Variants in CHRM3 observed in about 807,000 individuals in gnomAD.
The protein encoded by CHRM3 is muscarinic acetylcholine receptor M3.
In CHRM3, 11 loss-of-function variants were observed where a neutral mutation model predicts 41.8. The ratio of observed to expected loss-of-function variants is 0.26; its 90% CI spans 0.17 to 0.44. The LOEUF is 0.44. CHRM3 is among the 20% of genes least tolerant of loss of function. The pLI is 1.00. For synonymous variants in CHRM3, 297 were observed against 301.4 expected (o/e 0.99, Z 0.15); for missense variants, 571 against 745.4 (o/e 0.77, Z 2.72).
chr1:239,897,132 A>G (rs1679071518), intron 6 of CHRM3, among the ~76,000 whole-genome samples: 2 of 152,128 alleles, frequency 1.3e-5, no homozygotes, highest in Non-Finnish European at 2.9e-5. Context: ...CCTGCATGCT[A>G]TGGCAGGTTG....
intron 4 of CHRM3, among the ~76,000 whole-genome samples, chr1:239,674,540 T>A (rs1657776747): frequency 6.6e-6 from 1 of 151,600 alleles, no homozygotes; most frequent in Non-Finnish European, 1.5e-5. Context: ...AAACCCCATC[T>A]CTACTGAAAA....
intron 3 of CHRM3, among the ~76,000 whole-genome samples, chr1:239,614,347 A>G (rs958610560): frequency 6.6e-6 from 1 of 152,200 alleles, no homozygotes; most frequent in Non-Finnish European, 1.5e-5. Context: ...GTGACTTCTG[A>G]AAAATACAGA....
chr1:239,825,611 G>A (rs1672394755), intron 5 of CHRM3, among the ~76,000 whole-genome samples: 1 of 152,178 alleles, frequency 6.6e-6, no homozygotes. Flanking sequence ...ATACCCAAAA[G>A]ACGGAAGCAA....
intron 5 of CHRM3, among the ~76,000 whole-genome samples, chr1:239,724,197 A>G (rs926822557): frequency 1.3e-5 from 2 of 151,802 alleles, no homozygotes; most frequent in African/African-American, 4.8e-5. Context: ...CCTGGCCCTT[A>G]TAAACCTCCC....
At chr1:239,622,549 C>T (rs1006141050) in intron 3 of CHRM3, among the ~76,000 whole-genome samples, 3 of 151,872 alleles carry the variant, frequency 2.0e-5, no homozygotes, top group East Asian at 1.9e-4. Flanking sequence ...TTCAAGACTT[C>T]GATGAAGAAA....
intron 5 of CHRM3, among the ~76,000 whole-genome samples, chr1:239,685,606 T>G (rs1659056276): frequency 6.6e-6 from 1 of 152,132 alleles, no homozygotes; most frequent in East Asian, 1.9e-4. Flanking sequence ...GCAGATCACC[T>G]GAGGTCAGGA....
At chr1:239,457,916 T>C (rs138312783) in intron 1 of CHRM3, among the ~76,000 whole-genome samples, 3 of 152,338 alleles carry the variant, frequency 2.0e-5, no homozygotes, top group Admixed American at 6.5e-5. Flanking sequence ...TGAAATGGTT[T>C]CATCACTTGT....
rs1219915813 is a variant in CHRM3, at chr1:239,908,726, C to T, written c.1275C>T (p.Ser425=). 8 of 1,613,292 alleles carry T rather than the reference C, an allele frequency of 5.0e-6. No homozygotes were observed. Among genetic ancestry groups the T allele is most frequent in the Non-Finnish European group, 4.2e-6 (5 of 1,179,748 alleles). Residue 425 remains serine, a synonymous_variant, in exon 7 of 7, where the codon TCC becomes TCT. Coordinates refer to ENST00000676153, the MANE Select transcript of CHRM3 (RefSeq NM_001375978.1). This position sits in a 1 kb window ranked among gnomAD's most constrained non-coding sequence, Gnocchi z 7.2. ...GAGGCAGTTTTCCAAAAAGCTTCTC[C>T]AAGCTTCCCATCCAGCTAGAGTCAG... ...DDGGSFPKSF[S]KLPIQLESAV...
chr1:239,589,790 G>A (rs1663904160), intron 3 of CHRM3, among the ~76,000 whole-genome samples: 1 of 150,242 alleles, frequency 6.7e-6, no homozygotes, highest in Admixed American at 6.6e-5. Flanking sequence ...GCTGTTGATA[G>A]TTTTATATAT....
At position 239,903,152 on chromosome 1, in the gene CHRM3, T is replaced by A. The variant is rs187839666; in HGVS notation, c.-19-4281T>A. Among the ~76,000 whole-genome samples the A allele has an allele frequency of 1.3e-3, 194 of 152,272 alleles. 1 individual carries two copies. The highest frequency in any genetic ancestry group is 4.0e-4 in the Non-Finnish European group (27 of 68,020). ...TTTCTGTATTCAAACAAAGCATAATTGGACTAGAATACTATTCATTTGGGG... is the reference window on the plus strand; with the variant it reads ...TTTCTGTATTCAAACAAAGCATAATAGGACTAGAATACTATTCATTTGGGG... On this transcript the variant is annotated intron_variant, in intron 6 of 6. Coordinates refer to ENST00000676153, the MANE Select transcript of CHRM3 (RefSeq NM_001375978.1).
intron 3 of CHRM3, among the ~76,000 whole-genome samples, chr1:239,561,601 ATAATAG>A (rs1660865011): frequency 6.6e-6 from 1 of 151,806 alleles, no homozygotes; most frequent in South Asian, 2.1e-4. Flanking sequence ...TTAAGAATAG[ATAATAG>A]TAATAGTATC....
At chr1:239,690,329 C>T (rs1659591078) in intron 5 of CHRM3, among the ~76,000 whole-genome samples, 1 of 152,088 alleles carries the variant, frequency 6.6e-6, no homozygotes, top group Non-Finnish European at 1.5e-5. Context: ...AAGCAATTCT[C>T]CTGCCTCAGT....
chr1:239,479,249 A>G (rs1666668198), intron 1 of CHRM3, among the ~76,000 whole-genome samples: 1 of 150,812 alleles, frequency 6.6e-6, no homozygotes, highest in Non-Finnish European at 1.5e-5. Flanking sequence ...GAGAGACAGC[A>G]ATCTACAGAT....
At chr1:239,504,630 C>T (rs1668445980) in intron 2 of CHRM3, among the ~76,000 whole-genome samples, 1 of 152,176 alleles carries the variant, frequency 6.6e-6, no homozygotes, top group South Asian at 2.1e-4. Flanking sequence ...TATAGCAGCA[C>T]AATTTGCAAC....
chr1:239,493,391 T>G (rs1488685575), intron 2 of CHRM3, among the ~76,000 whole-genome samples: 2 of 152,172 alleles, frequency 1.3e-5, no homozygotes, highest in African/African-American at 4.8e-5. Context: ...GATTGCCACT[T>G]TTTATCAAAA....
At chr1:239,756,695 A>G (rs925570829) in intron 5 of CHRM3, among the ~76,000 whole-genome samples, 1 of 152,186 alleles carries the variant, frequency 6.6e-6, no homozygotes, top group Admixed American at 6.5e-5. Flanking sequence ...CCTGTTTTCT[A>G]TGTGAAGTTT....
intron 5 of CHRM3, among the ~76,000 whole-genome samples, chr1:239,805,641 T>C (rs1471174825): frequency 6.6e-6 from 1 of 152,054 alleles, no homozygotes; most frequent in Non-Finnish European, 1.5e-5. Flanking sequence ...TGTGTGTGTG[T>C]GTGTGTGTGT....
At chr1:239,542,701 T>A (rs1348320072) in intron 2 of CHRM3, among the ~76,000 whole-genome samples, 2 of 152,172 alleles carry the variant, frequency 1.3e-5, no homozygotes, top group Non-Finnish European at 2.9e-5. Flanking sequence ...AAAACTCACC[T>A]TCTCTTCACC....
At chr1:239,866,461 A>T (rs1461207716) in intron 6 of CHRM3, among the ~76,000 whole-genome samples, 13 of 152,038 alleles carry the variant, frequency 8.6e-5, no homozygotes, top group Admixed American at 8.5e-4. Context: ...TCCTAGATTC[A>T]CCAGACACAC....
Sources: allele counts gnomAD v4.1 joint callset (sites outside exome capture counted in the v4.1 genomes callset), GRCh38; gene constraint gnomAD v4.1.1; non-coding constraint Gnocchi (gnomAD v3.1); transcripts MANE v1.5; gene names NCBI Gene and HGNC (gene_info 2026-07-23, HGNC 2026-07-21).